The following AKR7A2 variants were observed in gnomAD, a reference collection of about 807,000 sequenced individuals.
AKR7A2 encodes the protein aflatoxin B1 aldehyde reductase member 2.
In AKR7A2, 29 loss-of-function variants were observed where a neutral mutation model predicts 37.3. That is an observed-to-expected ratio of 0.78 (90% CI 0.58 to 1.06). The LOEUF is 1.06. Among genes scored for constraint, AKR7A2 ranks in the 50% least tolerant of loss-of-function variants. The pLI is 0.00. For synonymous variants in AKR7A2, 228 were observed against 217.8 expected, an observed-to-expected ratio of 1.05 and a Z score of -0.41; for missense variants, 529 against 497.9, an observed-to-expected ratio of 1.06 and a Z score of -0.59.
intron 1 of AKR7A2, among the ~76,000 whole-genome samples, chr1:19,310,171 A>C (rs2093769545): frequency 6.6e-6 from 1 of 152,210 alleles, no homozygotes; most frequent in South Asian, 2.1e-4. Flanking sequence ...AAGTCAGCTC[A>C]GTAGCTCAGA....
Position 19,311,873 on chromosome 1 carries a change from G to A in AKR7A2, c.252C>T (p.Thr84=), listed in dbSNP as rs1461175722. The stretch of plus-strand genomic sequence containing the variant: ...GCCCGAGCCCCAGGCCGCCCAGGAT[G>A]GTCTCGGACTGGCCGTCGCTGTACA... The part of the protein sequence containing the change: ...AFMYSDGQSE[T]ILGGLGLGLG... The change falls in exon 1 of 7, where the codon ACC becomes ACT. Residue 84 remains threonine, a synonymous_variant. Transcript: ENST00000235835. 1 of 1,610,838 alleles carries A rather than the reference G, an allele frequency of 6.2e-7. No homozygotes were observed. Among genetic ancestry groups the A allele is most frequent in the African/African-American group, 1.3e-5 (1 of 74,976 alleles).
chr1:19,303,104 G>A (rs529267111), downstream of AKR7A2, among the ~76,000 whole-genome samples: 3 of 148,328 alleles, frequency 2.0e-5, no homozygotes, highest in Non-Finnish European at 4.5e-5. Context: ...CAGAAAAGAC[G>A]GTGACAACAT....
rs763084080 is a variant in AKR7A2 at position 19,308,053 on chromosome 1, G to C, written c.591+105C>G. The C allele has an allele frequency of 2.8e-6, 4 of 1,421,838 alleles. No individual in the cohort carries two copies. The African/African-American group carries it at 5.6e-5, about 20-fold the overall frequency. The allele number at this position is 1,421,838 out of a possible 1,614,324, so 88.1% of individuals were successfully genotyped here. Reference sequence around the variant, plus strand: ...AGCCATCTGCAGGCTTTCAGCAGGGGAGTGGCTGCTATGCAGACGGCACAG... The same window carrying C: ...AGCCATCTGCAGGCTTTCAGCAGGGCAGTGGCTGCTATGCAGACGGCACAG... On this transcript the variant is annotated intron_variant, in intron 3 of 6. Transcript: ENST00000235835.
rs765791064 is a variant in AKR7A2, at chr1:19,308,225, C to G, written c.524G>C (p.Ser175Thr). ...GGTACAGATCTCGGCCACTTCCCAGCTAGCATAGTTGGAGAGGCCAAGCTC... is the reference window on the plus strand; with the variant it reads ...GGTACAGATCTCGGCCACTTCCCAGGTAGCATAGTTGGAGAGGCCAAGCTC... Reference protein sequence around the residue: ...FVELGLSNYASWEVAEICTLC... With the variant: ...FVELGLSNYATWEVAEICTLC... Residue 175 changes from serine to threonine, a missense_variant, in exon 3 of 7, where the codon AGC (serine) becomes ACC (threonine). Coordinates refer to ENST00000235835, the MANE Select transcript of AKR7A2 (RefSeq NM_003689.4). The G allele has an allele frequency of 2.2e-5, 35 of 1,613,690 alleles. No individual in the cohort carries two copies. Among genetic ancestry groups the G allele is most frequent in the Non-Finnish European group, 2.7e-5 (32 of 1,179,908 alleles).
intron 6 of AKR7A2, among the ~76,000 whole-genome samples, chr1:19,304,776 AAAC>A (rs955322656): frequency 7.2e-5 from 11 of 152,046 alleles, no homozygotes; most frequent in African/African-American, 2.7e-4. Flanking sequence ...TCTCTACAAA[AAAC>A]AACAAAACAA....
intron 2 of AKR7A2, 71 bp downstream of exon 2, chr1:19,308,384 G>A: frequency 6.3e-7 from 1 of 1,596,842 alleles, no homozygotes; most frequent in Non-Finnish European, 8.5e-7. Context: ...TGGTGCCTCT[G>A]CTCTCATGAG....
intron 1 of AKR7A2, among the ~76,000 whole-genome samples, chr1:19,310,778 A>AT (rs942714157): frequency 2.0e-5 from 3 of 152,032 alleles, no homozygotes; most frequent in African/African-American, 7.3e-5. Context: ...CCCAAGCGCT[A>AT]TGACTCAGGA....
Position 19,308,442 on chromosome 1 carries a change from A to G in AKR7A2, c.486+13T>C, listed in dbSNP as rs1410410094. ...GCAGGAGCCCACCTTTGGAGCTCGGAGGGCCCCCTCACCTCCTGGTGCAGC... is the reference window on the plus strand; with the variant it reads ...GCAGGAGCCCACCTTTGGAGCTCGGGGGGCCCCCTCACCTCCTGGTGCAGC... On this transcript the variant is annotated intron_variant, in intron 2 of 6. Coordinates refer to ENST00000235835, the MANE Select transcript of AKR7A2 (RefSeq NM_003689.4). 1 of 1,612,854 alleles carries G rather than the reference A, an allele frequency of 6.2e-7. No individual in the cohort carries two copies. The highest frequency in any genetic ancestry group is 8.5e-7 in the Non-Finnish European group (1 of 1,179,834).
chr1:19,307,476 T>G, intron 3 of AKR7A2, 66 bp from the exon 4 acceptor site: 1 of 1,547,368 alleles, frequency 6.5e-7, no homozygotes, highest in South Asian at 1.1e-5. Flanking sequence ...GCCTTCCACT[T>G]TCAAACCTCT....
chr1:19,310,215 G>A (rs1270333637), intron 1 of AKR7A2, among the ~76,000 whole-genome samples: 2 of 152,200 alleles, frequency 1.3e-5, no homozygotes, highest in African/African-American at 2.4e-5. Flanking sequence ...ATATGGGACA[G>A]AACAAGTTCC....
In AKR7A2 at chr1:19,304,339, C is replaced by G; in HGVS notation, c.966G>C (p.Gln322His). The change falls in exon 7 of 7, where the codon CAG becomes CAC. Residue 322 changes from glutamine to histidine, a missense_variant. Physicochemically the swap from Gln to His is conservative, Grantham distance 24 (BLOSUM62 0). Coordinates refer to ENST00000235835, the MANE Select transcript of AKR7A2 (RefSeq NM_003689.4). ...CTGTTGCTGCCAAGTTCTGCTCCAG[C>G]TGCTCCAGGCTGGACATGCCCAGGA... ...AVILGMSSLE[Q>H]LEQNLAATEE... The G allele has an allele frequency of 1.9e-6, 3 of 1,614,166 alleles. No individual in the cohort carries two copies. Among genetic ancestry groups the G allele is most frequent in the Middle Eastern group, 1.6e-4 (1 of 6,062 alleles).
rs181873727 is a variant in AKR7A2 at position 19,305,718 on chromosome 1, A to T, written c.918+300T>A. On this transcript the variant is annotated intron_variant, in intron 6 of 6. Coordinates refer to ENST00000235835, the MANE Select transcript of AKR7A2 (RefSeq NM_003689.4). ...GGGTGAGATGGGTGGGTCTTAGTTA[A>T]ACCTGTGTTAAAATGTCTGCCACTT... Among the ~76,000 whole-genome samples, 311 of 152,316 alleles carry T rather than the reference A, an allele frequency of 2.0e-3. 2 individuals are homozygous for T. The highest frequency in any genetic ancestry group is 7.1e-3 in the African/African-American group (297 of 41,554).
At chr1:19,311,569 G>A (rs1424833080) in intron 1 of AKR7A2, among the ~76,000 whole-genome samples, 3 of 152,140 alleles carry the variant, frequency 2.0e-5, no homozygotes, top group Non-Finnish European at 2.9e-5. Context: ...AATGGAGGTG[G>A]GAAGCGATGG....
Position 19,307,956 on chromosome 1 carries a change from G to A in AKR7A2, c.591+202C>T, listed in dbSNP as rs1021179803. ...GGGAAGGAAGGGTCCAAGGTGCACA[G>A]ATAGGCAGGAAGGAAGCAGATGCCC... On this transcript the variant is annotated intron_variant, in intron 3 of 6. Transcript: ENST00000235835. 4 of 686,444 alleles carry A rather than the reference G, an allele frequency of 5.8e-6. No homozygotes were observed. The African/African-American group carries it at 7.1e-5, about 12-fold the overall frequency. The allele number at this position is 686,444 out of a possible 1,614,324, so 42.5% of individuals were successfully genotyped here.
Position 19,311,869 on chromosome 1 carries a change from G to C in AKR7A2, c.256C>G (p.Leu86Val). Residue 86 changes from leucine to valine, a missense_variant, in exon 1 of 7, where the codon CTG (leucine) becomes GTG (valine). Coordinates refer to ENST00000235835, the MANE Select transcript of AKR7A2 (RefSeq NM_003689.4). ...CCCAGCCCGAGCCCCAGGCCGCCCA[G>C]GATGGTCTCGGACTGGCCGTCGCTG... ...MYSDGQSETI[L>V]GGLGLGLGGG... 3.1e-6 allele frequency: 5 copies of C among 1,610,792 alleles called. No individual in the cohort carries two copies. The highest frequency in any genetic ancestry group is 4.2e-6 in the Non-Finnish European group (5 of 1,179,584).
chr1:19,307,459 A>T (rs760345313), intron 3 of AKR7A2, 49 bp from the exon 4 acceptor site: 1 of 1,598,602 alleles, frequency 6.3e-7, no homozygotes, highest in Non-Finnish European at 8.6e-7. Context: ...CAAGAGAAGG[A>T]ACTGTTGCCT....
chr1:19,306,057 C>T lies in AKR7A2; in HGVS notation c.879G>A (p.Ser293=), dbSNP rs375106886. 34 of 1,613,996 alleles carry T rather than the reference C, an allele frequency of 2.1e-5. No individual in the cohort carries two copies. Among genetic ancestry groups the T allele is most frequent in the Non-Finnish European group, 2.6e-5 (31 of 1,179,964 alleles). The change falls in exon 6 of 7, where the codon TCG becomes TCA. Residue 293 remains serine (S), a synonymous_variant. Transcript: ENST00000235835. ...AYGASAPSVT[S]AALRWMYHHS... ...GGTGGTACATCCACCGGAGGGCAGC[C>T]GAGGTCACACTGGGGGCGCTGGCGC...
rs1036655306 is a variant in AKR7A2 at position 19,304,067 on chromosome 1, A to G, written c.*158T>C. 8.1e-6 allele frequency: 10 copies of G among 1,238,492 alleles called. No homozygotes were observed. Among genetic ancestry groups the G allele is most frequent in the Middle Eastern group, 2.3e-4 (1 of 4,434 alleles). The allele number at this position is 1,238,492 out of a possible 1,614,324, so 76.7% of individuals were successfully genotyped here. A position where few individuals can be genotyped will look rare whatever the true frequency, so the allele number is the denominator to read the frequency against. On this transcript the variant is annotated 3_prime_UTR_variant, in exon 7 of 7. Transcript: ENST00000235835. The stretch of plus-strand genomic sequence containing the variant: ...ACTCACCCCCCACCTTTCACAGTGT[A>G]AAGTGAATAGGGAGCAAGGCAGGAA...
chr1:19,312,086 G>A lies in AKR7A2; in HGVS notation c.39C>T (p.Ala13=), dbSNP rs530415390. The change falls in exon 1 of 7, where the codon GCC becomes GCT. Residue 13 remains alanine (A), a synonymous_variant. Coordinates refer to ENST00000235835, the MANE Select transcript of AKR7A2 (RefSeq NM_003689.4). ...SAASRVVSRA[A]VHCALRSPPP... is the part of the protein sequence containing the mutation. ...GCGGAGAGCGAAGCGCGCAGTGGACGGCGGCGCGGGAGACTACGCGAGACG... is the reference window on the plus strand; with the variant it reads ...GCGGAGAGCGAAGCGCGCAGTGGACAGCGGCGCGGGAGACTACGCGAGACG... 1.5e-6 allele frequency: 2 copies of A among 1,339,992 alleles called. No homozygotes were observed. The highest frequency in any genetic ancestry group is 1.6e-5 in the African/African-American group (1 of 63,308). 83.0% of individuals were successfully genotyped at this position (1,339,992 alleles called of 1,614,324 possible). A position where few individuals can be genotyped will look rare whatever the true frequency, so the allele number is the denominator to read the frequency against.
Sources: gnomAD v4.1 joint callset for allele counts (sites outside exome capture counted in the v4.1 genomes callset) on GRCh38, gnomAD v4.1.1 for gene constraint, MANE v1.5 for transcripts, NCBI Gene and HGNC (gene_info 2026-07-23, HGNC 2026-07-21) for gene names.